Variants in SRGAP3 observed in about 807,000 individuals in gnomAD.
SRGAP3 encodes the protein SLIT-ROBO Rho GTPase activating protein 3.
A neutral mutation model predicts 121.1 loss-of-function variants in SRGAP3; 39 were observed. The observed-to-expected ratio is 0.32, with a 90% confidence interval of 0.25 to 0.42. SRGAP3 has a LOEUF of 0.42. Ranked by LOEUF, SRGAP3 falls within the 10% of genes least tolerant of loss-of-function variation. The pLI, the probability that SRGAP3 is intolerant of heterozygous loss-of-function variation, is 1.00. For synonymous variants in SRGAP3, 601 were observed against 570.0 expected (o/e 1.05, Z -0.77); for missense variants, 1,213 against 1,470.6 (o/e 0.82, Z 2.86).
At chr3:9,335,773 A>G (rs1326424375) in intron 1 of SRGAP3, among the ~76,000 whole-genome samples, 7 of 152,230 alleles carry the variant, frequency 4.6e-5, no homozygotes, top group Admixed American at 4.6e-4. Context: ...GGAGAAGTTT[A>G]TAAAATATCA....
intron 1 of SRGAP3, among the ~76,000 whole-genome samples, chr3:9,140,354 A>G (rs1949805929): frequency 6.6e-6 from 1 of 152,254 alleles, no homozygotes; most frequent in African/African-American, 2.4e-5. Flanking sequence ...TTAAATGACA[A>G]AAGTAGGTTA....
At chr3:9,112,189 C>A (rs1336979171) in intron 2 of SRGAP3, among the ~76,000 whole-genome samples, 1 of 152,238 alleles carries the variant, frequency 6.6e-6, no homozygotes, top group Non-Finnish European at 1.5e-5. Flanking sequence ...GAATCCAAAG[C>A]CACTGCCCTG....
intron 2 of SRGAP3, among the ~76,000 whole-genome samples, chr3:9,114,110 G>A (rs1165610285): frequency 1.3e-5 from 2 of 152,090 alleles, no homozygotes; most frequent in African/African-American, 4.8e-5. Flanking sequence ...ATCAGTTGGG[G>A]TGCTATTGAG....
chr3:9,208,738 C>T (rs965067149), intron 1 of SRGAP3, among the ~76,000 whole-genome samples: 1 of 152,202 alleles, frequency 6.6e-6, no homozygotes, highest in Non-Finnish European at 1.5e-5. Flanking sequence ...TAGTTCAGCA[C>T]AGGGCTCGGG....
chr3:9,238,582 A>G (rs1390718264), intron 1 of SRGAP3, among the ~76,000 whole-genome samples: 1 of 152,192 alleles, frequency 6.6e-6, no homozygotes. Flanking sequence ...ACAGGGATCT[A>G]TAAGAAAAAA....
At chr3:9,200,509 G>A (rs7637715) in intron 1 of SRGAP3, among the ~76,000 whole-genome samples, 3,483 of 152,248 alleles carry the variant, frequency 0.023, 143 homozygotes, top group African/African-American at 0.079. Context: ...AAAATGTTAT[G>A]GAAGCAATAA....
chr3:9,175,652 C>T (rs1951151244), intron 1 of SRGAP3, among the ~76,000 whole-genome samples: 1 of 152,226 alleles, frequency 6.6e-6, no homozygotes, highest in African/African-American at 2.4e-5. Flanking sequence ...GCACTCCTAG[C>T]ACCACGCCTG....
chr3:8,999,194 G>A lies in SRGAP3; in HGVS notation c.2228-4671C>T, dbSNP rs181991082. ...GGAGAGGTTGAGACTGTCTCAGTAG[G>A]GGCCTGGCTGGAGTCACATTTTAGG... is the stretch of plus-strand genomic sequence containing the variant. On this transcript the variant is annotated intron_variant, in intron 18 of 21. Coordinates refer to ENST00000383836, the MANE Select transcript of SRGAP3 (RefSeq NM_014850.4). Among the ~76,000 whole-genome samples, 440 of 152,266 alleles carry A rather than the reference G, an allele frequency of 2.9e-3. 5 individuals are homozygous for A. Among genetic ancestry groups the A allele is most frequent in the Non-Finnish European group, 2.8e-4 (19 of 68,022 alleles).
intron 1 of SRGAP3, among the ~76,000 whole-genome samples, chr3:9,224,070 C>G (rs1422789105): frequency 6.6e-6 from 1 of 152,122 alleles, no homozygotes; most frequent in Non-Finnish European, 1.5e-5. Flanking sequence ...GAAGGCCTGA[C>G]CCTCCTCTCC....
intron 1 of SRGAP3, among the ~76,000 whole-genome samples, chr3:9,186,967 A>T (rs1426091400): frequency 5.3e-5 from 8 of 152,002 alleles, no homozygotes; most frequent in Non-Finnish European, 1.0e-4. Flanking sequence ...TGTTTTTAAA[A>T]TTTTTTTTAT....
Position 9,123,730 on chromosome 3 carries a change from A to ATG in SRGAP3, c.260+994_260+995insCA, listed in dbSNP as rs1156597319. On this transcript the variant is annotated intron_variant, in intron 2 of 21. Coordinates refer to ENST00000383836, the MANE Select transcript of SRGAP3 (RefSeq NM_014850.4). ...AAAATATATATATATATATATGTAT[A>ATG]TATGTGTGTGTGTGTGTGTGTGTGT... Among the ~76,000 whole-genome samples the ATG allele has an allele frequency of 1.9e-3, 208 of 110,224 alleles. 1 individual carries two copies. The highest frequency in any genetic ancestry group is 3.7e-3 in the East Asian group (17 of 4,622). The allele number at this position is 110,224 out of a possible 152,430, so 72.3% of individuals were successfully genotyped here. A position where few individuals can be genotyped will look rare whatever the true frequency, so the allele number is the denominator to read the frequency against.
At chr3:9,185,444 G>A (rs1490946329) in intron 1 of SRGAP3, among the ~76,000 whole-genome samples, 1 of 152,206 alleles carries the variant, frequency 6.6e-6, no homozygotes, top group Non-Finnish European at 1.5e-5. Context: ...GACTGTGGAA[G>A]GGAGGCATAT....
intron 9 of SRGAP3, among the ~76,000 whole-genome samples, chr3:9,048,793 C>T (rs1452823938): frequency 6.6e-6 from 1 of 152,156 alleles, no homozygotes; most frequent in Admixed American, 6.5e-5. Context: ...CACTGCACTC[C>T]ATCCTAAGCA....
intron 3 of SRGAP3, among the ~76,000 whole-genome samples, chr3:9,254,942 A>G (rs924665876): frequency 6.6e-6 from 1 of 151,672 alleles, no homozygotes; most frequent in Non-Finnish European, 1.5e-5. Flanking sequence ...AGAAAAAGAA[A>G]GAAAGAAAGA....
intron 8 of SRGAP3, among the ~76,000 whole-genome samples, chr3:9,053,676 G>A (rs1057109851): frequency 2.0e-4 from 30 of 152,206 alleles, no homozygotes; most frequent in African/African-American, 6.0e-4. Flanking sequence ...GCCATTCTTC[G>A]TGCAACAAAC....
intron 1 of SRGAP3, among the ~76,000 whole-genome samples, chr3:9,355,461 C>T (rs552465267): frequency 6.6e-6 from 1 of 152,354 alleles, no homozygotes; most frequent in East Asian, 1.9e-4. Context: ...CTATCCTGCT[C>T]ACTCCTCTGC....
At chr3:9,227,963 C>T (rs996856472) in intron 1 of SRGAP3, among the ~76,000 whole-genome samples, 1 of 152,114 alleles carries the variant, frequency 6.6e-6, no homozygotes, top group Non-Finnish European at 1.5e-5. Flanking sequence ...GATGGTAAGT[C>T]GGAGGCAGTT....
intron 1 of SRGAP3, among the ~76,000 whole-genome samples, chr3:9,356,518 G>A (rs963395127): frequency 1.3e-5 from 2 of 151,540 alleles, no homozygotes; most frequent in African/African-American, 2.4e-5. Context: ...GACTACAGGC[G>A]CCCGCCACCA....
intron 6 of SRGAP3, chr3:9,058,714 C>CTTTT (rs71049768): frequency 2.1e-4 from 44 of 213,638 alleles, no homozygotes; most frequent in Middle Eastern, 1.8e-3. Context: ...TTCTCTCTCT[C>CTTTT]TTTTTTTTTT....
Sources: allele counts gnomAD v4.1 joint callset (sites outside exome capture counted in the v4.1 genomes callset), GRCh38; gene constraint gnomAD v4.1.1; transcripts MANE v1.5; gene names NCBI Gene and HGNC (gene_info 2026-07-23, HGNC 2026-07-21).